The following STAG1 variants were observed in gnomAD, a reference collection of about 807,000 sequenced individuals.
STAG1 encodes the protein STAG1 cohesin complex component.
STAG1 carries 26 observed loss-of-function variants against 170.9 expected under a neutral mutation model. The observed-to-expected ratio is 0.15, with a 90% CI of 0.11 to 0.21. The LOEUF is 0.21. Ranked by LOEUF, STAG1 falls within the 10% of genes least tolerant of loss-of-function variation. STAG1 has a pLI of 1.00. For missense variants in STAG1, 964 were observed against 1,509.5 expected, an observed-to-expected ratio of 0.64 and a Z score of 5.99; for synonymous variants, 514 against 497.7, an observed-to-expected ratio of 1.03 and a Z score of -0.44.
intron 1 of STAG1, among the ~76,000 whole-genome samples, chr3:136,704,735 G>C (rs1943175919): frequency 6.8e-6 from 1 of 146,570 alleles, no homozygotes; most frequent in East Asian, 2.1e-4. Context: ...AAGCTGAGGT[G>C]AGAGAATCGC....
chr3:136,532,718 C>T (rs1272797326), intron 6 of STAG1, among the ~76,000 whole-genome samples: 9 of 152,208 alleles, frequency 5.9e-5, no homozygotes, highest in East Asian at 5.8e-4. Context: ...AATCCAACAA[C>T]GCTTCATGAT....
At chr3:136,515,308 G>A (rs1017344385) in intron 7 of STAG1, among the ~76,000 whole-genome samples, 4 of 152,034 alleles carry the variant, frequency 2.6e-5, no homozygotes, top group Non-Finnish European at 5.9e-5. Flanking sequence ...GAGGTTGCAG[G>A]GAGCCAAGAT....
intron 1 of STAG1, among the ~76,000 whole-genome samples, chr3:136,704,850 A>G (rs1363666163): frequency 6.6e-6 from 1 of 150,978 alleles, no homozygotes; most frequent in Non-Finnish European, 1.5e-5. Flanking sequence ...AAAAAAAGAT[A>G]AAGAAGAATG....
intron 1 of STAG1, among the ~76,000 whole-genome samples, chr3:136,633,221 A>C (rs559955655): frequency 6.1e-4 from 93 of 152,074 alleles, no homozygotes; most frequent in African/African-American, 2.2e-3. Flanking sequence ...CGGCCCCAAA[A>C]TAAAAATTAA....
At chr3:136,639,854 T>C (rs1338470931) in intron 1 of STAG1, among the ~76,000 whole-genome samples, 1 of 152,198 alleles carries the variant, frequency 6.6e-6, no homozygotes, top group Non-Finnish European at 1.5e-5. Flanking sequence ...GACCAATCTT[T>C]CTATTTTCAA....
At chr3:136,706,178 AATAACTAAAAGCTGTCCCTCTAAC>A (rs771389906) in intron 1 of STAG1, among the ~76,000 whole-genome samples, 3 of 152,228 alleles carry the variant, frequency 2.0e-5, no homozygotes, top group Non-Finnish European at 4.4e-5. Context: ...CTCAATGGTG[AATAACTAAAAGCTGTCCCTCTAAC>A]ATCAGAAATA....
chr3:136,729,828 C>T (rs530806898), intron 1 of STAG1, among the ~76,000 whole-genome samples: 6 of 150,642 alleles, frequency 4.0e-5, no homozygotes, highest in Admixed American at 2.7e-4. Flanking sequence ...ATCCACCCAC[C>T]TCGCCCTCTC....
intron 1 of STAG1, among the ~76,000 whole-genome samples, chr3:136,645,673 T>C (rs947582368): frequency 4.6e-5 from 7 of 152,242 alleles, no homozygotes; most frequent in African/African-American, 1.7e-4. Flanking sequence ...TTTACAGAAA[T>C]AGCTCAACTA....
chr3:136,394,549 G>A (rs2087097130), intron 22 of STAG1, among the ~76,000 whole-genome samples: 1 of 152,136 alleles, frequency 6.6e-6, no homozygotes, highest in Admixed American at 6.6e-5. Flanking sequence ...GCTGAGGCGG[G>A]TGGACTGCTT....
At chr3:136,496,118 T>C (rs1933072720) in intron 9 of STAG1, among the ~76,000 whole-genome samples, 1 of 152,036 alleles carries the variant, frequency 6.6e-6, no homozygotes, top group African/African-American at 2.4e-5. Flanking sequence ...CACTCCAGCC[T>C]GGGCAACAAG....
At chr3:136,426,133 C>G (rs1439054766) in intron 16 of STAG1, among the ~76,000 whole-genome samples, 1 of 151,188 alleles carries the variant, frequency 6.6e-6, no homozygotes, top group Non-Finnish European at 1.5e-5. Context: ...TGTGGCCGGG[C>G]GCGGTGGCTC....
chr3:136,475,768 G>A (rs2089733680), intron 10 of STAG1, among the ~76,000 whole-genome samples: 1 of 152,182 alleles, frequency 6.6e-6, no homozygotes. Flanking sequence ...AATAGTAACT[G>A]TAAAAACTGT....
intron 2 of STAG1, among the ~76,000 whole-genome samples, chr3:136,628,253 C>T (rs2107835991): frequency 6.6e-6 from 1 of 152,254 alleles, no homozygotes; most frequent in South Asian, 2.1e-4. Context: ...CCTGAGGCCT[C>T]GCCAGCCATG....
At chr3:136,714,893 A>G (rs1377404007) in intron 1 of STAG1, among the ~76,000 whole-genome samples, 1 of 137,096 alleles carries the variant, frequency 7.3e-6, no homozygotes, top group Non-Finnish European at 1.5e-5. Flanking sequence ...TGGGCAAAGG[A>G]GCAAGCCCCA....
chr3:136,676,699 C>G (rs1942137649), intron 1 of STAG1, among the ~76,000 whole-genome samples: 1 of 152,274 alleles, frequency 6.6e-6, no homozygotes, highest in East Asian at 1.9e-4. Context: ...ATTTTCCGAA[C>G]TAAGCCTCCC....
At chr3:136,570,568 GT>G (rs912524838) in intron 4 of STAG1, among the ~76,000 whole-genome samples, 1 of 152,090 alleles carries the variant, frequency 6.6e-6, no homozygotes, top group Non-Finnish European at 1.5e-5. Flanking sequence ...GTTAACACAC[GT>G]TACACACACG....
chr3:136,583,420 C>T (rs530352076), intron 4 of STAG1, among the ~76,000 whole-genome samples: 39 of 152,190 alleles, frequency 2.6e-4, no homozygotes, highest in African/African-American at 9.4e-4. Context: ...TTAATGTTAT[C>T]ATGAAGCCAA....
intron 10 of STAG1, 87 bp from the exon 11 acceptor site, chr3:136,473,724 A>T: frequency 1.0e-6 from 1 of 962,884 alleles, no homozygotes; most frequent in Non-Finnish European, 1.6e-6. Context: ...AATTTAGCTT[A>T]AACATTTGAC....
chr3:136,455,512 C>T (rs964329420), intron 13 of STAG1, among the ~76,000 whole-genome samples: 11 of 152,328 alleles, frequency 7.2e-5, no homozygotes, highest in South Asian at 2.1e-4. Context: ...TTCCATCCCA[C>T]GGAACCACTG....
Sources: gnomAD v4.1 joint callset for allele counts (sites outside exome capture counted in the v4.1 genomes callset) on GRCh38, gnomAD v4.1.1 for gene constraint, MANE v1.5 for transcripts, NCBI Gene and HGNC (gene_info 2026-07-23, HGNC 2026-07-21) for gene names.